Variants in IMMP2L observed in about 807,000 individuals in gnomAD.
The protein encoded by IMMP2L is mitochondrial inner membrane protease subunit 2.
In IMMP2L, 18 loss-of-function variants were observed where a neutral mutation model predicts 19.3. That is an observed-to-expected ratio of 0.93 (90% CI 0.64 to 1.38). IMMP2L has a LOEUF of 1.38. Among genes scored for constraint, IMMP2L ranks in the 40% most tolerant of loss-of-function variants. IMMP2L has a pLI of 0.00. For synonymous variants in IMMP2L, 76 were observed against 73.0 expected, an observed-to-expected ratio of 1.04 and a Z score of -0.21; for missense variants, 233 against 218.2, an observed-to-expected ratio of 1.07 and a Z score of -0.43.
intron 3 of IMMP2L, among the ~76,000 whole-genome samples, chr7:111,288,090 C>T (rs559267543): frequency 5.9e-5 from 9 of 152,052 alleles, no homozygotes; most frequent in African/African-American, 1.4e-4. Flanking sequence ...GGCTGGTTTT[C>T]GTTCTTACTG....
intron 4 of IMMP2L, among the ~76,000 whole-genome samples, chr7:110,956,164 T>C (rs991501583): frequency 1.3e-5 from 2 of 151,998 alleles, no homozygotes; most frequent in African/African-American, 4.8e-5. Context: ...TACCAGAAAG[T>C]TGTTTTTAAT....
rs912878929 is a variant in IMMP2L, at chr7:110,963,907, A to G, written c.240-342T>C. ...TGATATGGTTTGGCTCTGTGTCCCC[A>G]CCCAAGTCTAATTTCGAATTGTAAT... On this transcript the variant is annotated intron_variant, in intron 3 of 5. Transcript: ENST00000405709. Among the ~76,000 whole-genome samples, 3 of 151,846 alleles carry G rather than the reference A, an allele frequency of 2.0e-5. No individual in the cohort carries two copies. In the East Asian group the frequency reaches 5.8e-4, roughly 29 times the overall value.
chr7:111,067,416 C>T (rs928735680), intron 3 of IMMP2L, among the ~76,000 whole-genome samples: 3 of 152,122 alleles, frequency 2.0e-5, no homozygotes, highest in Non-Finnish European at 2.9e-5. Flanking sequence ...AATGCGGAGC[C>T]CAGATAAAGG....
chr7:110,739,898 C>T (rs1457685208), intron 5 of IMMP2L, among the ~76,000 whole-genome samples: 1 of 152,090 alleles, frequency 6.6e-6, no homozygotes, highest in East Asian at 1.9e-4. Flanking sequence ...TGGAAATCCA[C>T]TCCAAAAGGA....
At chr7:111,345,267 A>T (rs1433831383) in intron 3 of IMMP2L, among the ~76,000 whole-genome samples, 1 of 152,130 alleles carries the variant, frequency 6.6e-6, no homozygotes, top group Non-Finnish European at 1.5e-5. Context: ...AGATTTTTAC[A>T]TCAAACTATT....
chr7:110,938,172 C>T (rs1011956113), intron 4 of IMMP2L, among the ~76,000 whole-genome samples: 1 of 152,100 alleles, frequency 6.6e-6, no homozygotes, highest in East Asian at 1.9e-4. Context: ...ATAGGATCTA[C>T]CATCCTTAAA....
chr7:111,031,880 G>T (rs886125295), intron 3 of IMMP2L, among the ~76,000 whole-genome samples: 52 of 151,454 alleles, frequency 3.4e-4, no homozygotes, highest in African/African-American at 1.2e-3. Context: ...TACCTCTGTG[G>T]TCTTACTCCA....
At chr7:111,378,379 T>A (rs1563119992) in intron 3 of IMMP2L, among the ~76,000 whole-genome samples, 2 of 151,940 alleles carry the variant, frequency 1.3e-5, no homozygotes, top group East Asian at 1.9e-4. Flanking sequence ...GTCACAAATA[T>A]AAAAATTGAT....
chr7:111,315,104 T>C (rs930397837), intron 3 of IMMP2L, among the ~76,000 whole-genome samples: 1 of 152,166 alleles, frequency 6.6e-6, no homozygotes, highest in Admixed American at 6.6e-5. Flanking sequence ...CAGAATATCG[T>C]TGACTTTTTA....
chr7:110,714,003 C>T (rs1795075829), intron 5 of IMMP2L, among the ~76,000 whole-genome samples: 1 of 152,156 alleles, frequency 6.6e-6, no homozygotes, highest in Admixed American at 6.6e-5. Flanking sequence ...TTGTCTTGTT[C>T]CATTTCTCAA....
intron 3 of IMMP2L, among the ~76,000 whole-genome samples, chr7:111,412,629 G>T (rs1563160087): frequency 6.6e-6 from 1 of 151,794 alleles, no homozygotes; most frequent in Admixed American, 6.6e-5. Flanking sequence ...CTAAAGTACT[G>T]CTCAGAACAG....
intron 3 of IMMP2L, among the ~76,000 whole-genome samples, chr7:111,365,171 T>A (rs1196512953): frequency 1.3e-5 from 2 of 152,072 alleles, no homozygotes; most frequent in African/African-American, 4.8e-5. Flanking sequence ...ATAAAATTAA[T>A]ACCCCGCAGT....
intron 5 of IMMP2L, among the ~76,000 whole-genome samples, chr7:110,878,015 T>C (rs1446783027): frequency 3.9e-5 from 6 of 152,126 alleles, no homozygotes; most frequent in Non-Finnish European, 8.8e-5. Context: ...AGCTTAGAAG[T>C]GCCTAGAAGA....
At chr7:111,204,070 TTC>T (rs1810445234) in intron 3 of IMMP2L, among the ~76,000 whole-genome samples, 1 of 152,184 alleles carries the variant, frequency 6.6e-6, no homozygotes. Flanking sequence ...TCAAAAAATA[TTC>T]TTTTACCTTT....
rs144180400 is a variant in IMMP2L at position 110,860,119 on chromosome 7, C to G, written c.408+26474G>C. Reference sequence around the variant, plus strand: ...AGATCAACATCAATGGTTAGATGGTCAGAATAAACAAATCAACTGTGGGGC... The same window carrying G: ...AGATCAACATCAATGGTTAGATGGTGAGAATAAACAAATCAACTGTGGGGC... On this transcript the variant is annotated intron_variant, in intron 5 of 5. Coordinates refer to ENST00000405709, the MANE Select transcript of IMMP2L (RefSeq NM_032549.4). 1.7e-3 allele frequency among the ~76,000 whole-genome samples: 262 copies of G among 151,836 alleles called. 1 individual carries two copies. Among genetic ancestry groups the G allele is most frequent in the East Asian group, 0.016 (84 of 5,138 alleles).
chr7:110,971,792 T>C (rs1563123317), intron 3 of IMMP2L, among the ~76,000 whole-genome samples: 1 of 152,126 alleles, frequency 6.6e-6, no homozygotes, highest in Non-Finnish European at 1.5e-5. Context: ...CTTTATTGCA[T>C]ATCTCTTTTG....
intron 1 of IMMP2L, among the ~76,000 whole-genome samples, chr7:111,536,481 A>G (rs1375103399): frequency 6.6e-6 from 1 of 151,798 alleles, no homozygotes; most frequent in Non-Finnish European, 1.5e-5. Flanking sequence ...AATTTTTTAT[A>G]TTTTTTGTAG....
Position 111,234,058 on chromosome 7 carries a change from T to C in IMMP2L, c.239+253180A>G, listed in dbSNP as rs139666206. On this transcript the variant is annotated intron_variant, in intron 3 of 5. Transcript: ENST00000405709. ...TGGATGGTCATTATAATACAAATGG[T>C]GCTATAAATTTCCCTTTAAGTATTG... 6.9e-3 allele frequency among the ~76,000 whole-genome samples: 1,054 copies of C among 152,182 alleles called. 15 individuals are homozygous for C. The highest frequency in any genetic ancestry group is 0.022 in the African/African-American group (935 of 41,558).
intron 3 of IMMP2L, among the ~76,000 whole-genome samples, chr7:111,393,171 A>T (rs982559895): frequency 2.0e-5 from 3 of 152,098 alleles, no homozygotes; most frequent in Non-Finnish European, 4.4e-5. Flanking sequence ...GCCCACCAAG[A>T]ATAACCTCAC....
Sources: allele counts gnomAD v4.1 joint callset (sites outside exome capture counted in the v4.1 genomes callset), GRCh38; gene constraint gnomAD v4.1.1; transcripts MANE v1.5; gene names NCBI Gene and HGNC (gene_info 2026-07-23, HGNC 2026-07-21).